The following RPS6KA2 variants were observed in gnomAD, a reference collection of about 807,000 sequenced individuals.
RPS6KA2 encodes ribosomal protein S6 kinase A2, also known as ribosomal protein S6 kinase alpha-2.
A neutral mutation model predicts 91.8 loss-of-function variants in RPS6KA2; 42 were observed. The observed-to-expected ratio is 0.46, with a 90% CI of 0.36 to 0.59. The LOEUF (loss-of-function observed/expected upper bound fraction) is 0.59, where lower values mean the gene tolerates loss of function less well. Among genes scored for constraint, RPS6KA2 ranks in the 20% least tolerant of loss-of-function variants. The pLI, the probability that RPS6KA2 is intolerant of heterozygous loss-of-function variation, is 0.00. For missense variants in RPS6KA2, 798 were observed against 978.5 expected, an observed-to-expected ratio of 0.82 and a Z score of 2.46; for synonymous variants, 414 against 393.6, an observed-to-expected ratio of 1.05 and a Z score of -0.61.
chr6:166,494,589 G>A lies in RPS6KA2; in HGVS notation c.748-3848C>T, dbSNP rs78135871. 5.4e-3 allele frequency among the ~76,000 whole-genome samples: 821 copies of A among 152,318 alleles called. 7 individuals carry two copies. Among genetic ancestry groups the A allele is most frequent in the African/African-American group, 0.019 (790 of 41,562 alleles). On this transcript the variant is annotated intron_variant, in intron 8 of 20. Transcript: ENST00000265678. This position sits in a 1 kb window ranked among gnomAD's most constrained non-coding sequence, Gnocchi z 5.1. The stretch of plus-strand genomic sequence containing the variant: ...GAAACTGGCTCCAGCCTGGCGTAGA[G>A]GAGTGCTGGAAATTCTACAAATGTC...
At chr6:166,723,496 C>T (rs920212132) in intron 2 of RPS6KA2, among the ~76,000 whole-genome samples, 1 of 152,144 alleles carries the variant, frequency 6.6e-6, no homozygotes, top group African/African-American at 2.4e-5. Context: ...CCAGGGGACC[C>T]CCAGTAGTAC....
At chr6:166,455,044 G>A (rs1435428445) in intron 12 of RPS6KA2, among the ~76,000 whole-genome samples, 3 of 151,850 alleles carry the variant, frequency 2.0e-5, no homozygotes, top group African/African-American at 7.3e-5. Context: ...AAGACTCCCT[G>A]TATGTATAGT....
At chr6:166,538,862 G>A (rs1407266427) in intron 1 of RPS6KA2, 78 bp from the exon 2 acceptor site, 3 of 722,314 alleles carry the variant, frequency 4.2e-6, no homozygotes, top group Non-Finnish European at 7.5e-6. Context: ...CCTCCCCTGA[G>A]TTTACCACGA....
chr6:166,510,302 G>C lies in RPS6KA2; in HGVS notation c.354C>G (p.His118Gln), dbSNP rs771754359. The change falls in exon 4 of 21, where the codon CAC becomes CAG. Residue 118 changes from histidine to glutamine, a missense_variant. Coordinates refer to ENST00000265678, the MANE Select transcript of RPS6KA2 (RefSeq NM_021135.6). The part of the protein sequence containing the change: ...MERDILAEVN[H>Q]PFIVKLHYAF... ...CATAATGAAGCTTCACAATGAAGGG[G>C]TGATTCACTTCTGCCAAGATGTCTC... is the stretch of plus-strand genomic sequence containing the variant. 1 of 1,603,736 alleles carries C rather than the reference G, an allele frequency of 6.2e-7. No homozygotes were observed. The highest frequency in any genetic ancestry group is 1.7e-5 in the Admixed American group (1 of 59,262).
chr6:166,738,465 G>T lies in RPS6KA2; in HGVS notation c.123+119735C>A, dbSNP rs536882764. On this transcript the variant is annotated intron_variant, in intron 2 of 21. Coordinates refer to the RPS6KA2 transcript ENST00000503859. ...AAGGCCAAGGTGGACCCTCAAAACAGAGGAATTCATCACAAGGACAAGGAC... is the reference window on the plus strand; with the variant it reads ...AAGGCCAAGGTGGACCCTCAAAACATAGGAATTCATCACAAGGACAAGGAC... 2.0e-5 allele frequency among the ~76,000 whole-genome samples: 3 copies of T among 152,328 alleles called. No individual in the cohort carries two copies. In the South Asian group the frequency reaches 6.2e-4, roughly 32 times the overall value.
At chr6:166,476,837 G>A (rs77216847) in intron 10 of RPS6KA2, among the ~76,000 whole-genome samples, 1,536 of 152,266 alleles carry the variant, frequency 0.01, 24 homozygotes, top group African/African-American at 0.035. Context: ...CTCTGGCATT[G>A]AGAGCTCTTA....
intron 2 of RPS6KA2, among the ~76,000 whole-genome samples, chr6:166,708,260 A>G (rs1449773387): frequency 6.6e-6 from 1 of 152,194 alleles, no homozygotes; most frequent in African/African-American, 2.4e-5. Context: ...AAATAACAGG[A>G]TGAAATCTTT....
intron 2 of RPS6KA2, among the ~76,000 whole-genome samples, chr6:166,637,989 C>T (rs1364159993): frequency 1.3e-5 from 2 of 152,236 alleles, no homozygotes; most frequent in East Asian, 1.9e-4. Flanking sequence ...GGGCCGGGAG[C>T]GTGGGAAATC....
chr6:166,700,029 C>T lies in RPS6KA2; in HGVS notation c.123+158171G>A, dbSNP rs1789464225. On this transcript the variant is annotated intron_variant, in intron 2 of 21. Transcript: ENST00000503859. ...CAAACTAAGCATCCTGTAAGACAAGCTAAAGCTTGCTTTTTGCCAATCAGT... is the reference window on the plus strand; with the variant it reads ...CAAACTAAGCATCCTGTAAGACAAGTTAAAGCTTGCTTTTTGCCAATCAGT... Among the ~76,000 whole-genome samples, 4 of 152,214 alleles carry T rather than the reference C, an allele frequency of 2.6e-5. No homozygotes were observed. In the South Asian group the frequency reaches 6.2e-4, roughly 24 times the overall value.
Position 166,432,458 on chromosome 6 carries a change from T to G in RPS6KA2, c.1365A>C (p.Glu455Asp), listed in dbSNP as rs1454861783. The G allele has an allele frequency of 6.2e-7, 1 of 1,613,388 alleles. No homozygotes were observed. The highest frequency in any genetic ancestry group is 1.3e-5 in the African/African-American group (1 of 74,920). The stretch of plus-strand genomic sequence containing the variant: ...CGTACCGCAGGAGGATCTCAATCTC[T>G]TCCGAGGGGTCTCTCTTGCTCTTAT... ...IIDKSKRDPSEEIEILLRYGQ... is the reference protein window; with the variant it reads ...IIDKSKRDPSDEIEILLRYGQ... Residue 455 changes from glutamate to aspartate, a missense_variant, in exon 15 of 21, where the codon GAA (glutamate) becomes GAC (aspartate). Transcript: ENST00000265678.
intron 2 of RPS6KA2, among the ~76,000 whole-genome samples, chr6:166,820,632 C>G (rs1779884858): frequency 6.6e-6 from 1 of 152,160 alleles, no homozygotes; most frequent in South Asian, 2.1e-4. Context: ...CTGTAAAGAA[C>G]AAAGAGCTTT....
At chr6:166,572,557 A>G (rs182274112) in intron 1 of RPS6KA2, among the ~76,000 whole-genome samples, 8 of 152,336 alleles carry the variant, frequency 5.3e-5, no homozygotes, top group African/African-American at 1.4e-4. Context: ...GTTCTCACAT[A>G]GCTCTCATTG....
chr6:166,529,784 G>A (rs544833233), intron 3 of RPS6KA2, among the ~76,000 whole-genome samples: 1 of 152,282 alleles, frequency 6.6e-6, no homozygotes, highest in East Asian at 1.9e-4. Flanking sequence ...GCCAGGATCT[G>A]TGTTTGTAAC....
intron 2 of RPS6KA2, among the ~76,000 whole-genome samples, chr6:166,796,569 C>G (rs1779229335): frequency 1.6e-5 from 1 of 63,242 alleles, no homozygotes. Context: ...AGTCTGGCAA[C>G]AGAGACTCTG....
At chr6:166,862,268 G>C (rs1385111897) in exon 1 of RPS6KA2, 4 of 1,594,290 alleles carry the variant, frequency 2.5e-6, no homozygotes, top group Non-Finnish European at 2.6e-6. Flanking sequence ...ACGGGATGTC[G>C]GAAGCCAAGG....
intron 2 of RPS6KA2, among the ~76,000 whole-genome samples, chr6:166,711,866 T>C (rs1378091233): frequency 1.3e-5 from 2 of 151,482 alleles, no homozygotes; most frequent in African/African-American, 2.4e-5. Flanking sequence ...AACAATGAGC[T>C]GATTAAAAAA....
intron 2 of RPS6KA2, among the ~76,000 whole-genome samples, chr6:166,687,472 G>A (rs545131019): frequency 6.6e-6 from 1 of 152,328 alleles, no homozygotes; most frequent in South Asian, 2.1e-4. Flanking sequence ...GGGGCAGGGG[G>A]ACACCAGTAG....
At chr6:166,656,322 A>C (rs547399289) in intron 2 of RPS6KA2, among the ~76,000 whole-genome samples, 11 of 152,308 alleles carry the variant, frequency 7.2e-5, no homozygotes, top group African/African-American at 2.6e-4. Context: ...GGAGGAGAGA[A>C]ACAAGAGAGG....
intron 8 of RPS6KA2, among the ~76,000 whole-genome samples, chr6:166,496,299 G>A (rs1271651817): frequency 2.6e-5 from 4 of 151,276 alleles, no homozygotes; most frequent in African/African-American, 9.7e-5. Flanking sequence ...GCAGTGAGCT[G>A]AGATTGCAAC....
Sources: gnomAD v4.1 joint callset for allele counts (sites outside exome capture counted in the v4.1 genomes callset) on GRCh38, gnomAD v4.1.1 for gene constraint, Gnocchi (gnomAD v3.1) non-coding constraint, MANE v1.5 for transcripts, NCBI Gene and HGNC (gene_info 2026-07-23, HGNC 2026-07-21) for gene names.